The following NPAS3 variants were observed in gnomAD, a reference collection of about 807,000 sequenced individuals.
The protein encoded by NPAS3 is neuronal PAS domain protein 3.
NPAS3 carries 14 observed loss-of-function variants against 73.1 expected under a neutral mutation model. That is an observed-to-expected ratio of 0.19 (90% CI 0.13 to 0.30). The LOEUF (loss-of-function observed/expected upper bound fraction) is 0.30. NPAS3 is among the 10% of genes least tolerant of loss of function. NPAS3 has a pLI of 1.00. For missense variants in NPAS3, 1,096 were observed against 1,250.0 expected (o/e 0.88, Z 1.86); for synonymous variants, 620 against 541.5 (o/e 1.14, Z -2.01).
At chr14:32,965,013 A>C (rs1275896115) in intron 1 of NPAS3, among the ~76,000 whole-genome samples, 2 of 152,110 alleles carry the variant, frequency 1.3e-5, no homozygotes, top group African/African-American at 4.8e-5. Context: ...AAAGTATTGA[A>C]CTATGAAAAA....
intron 4 of NPAS3, among the ~76,000 whole-genome samples, chr14:33,544,820 A>ATATATATATATATATATATATATATT (rs11377851): frequency 1.0e-5 from 1 of 98,550 alleles, no homozygotes; most frequent in African/African-American, 5.4e-5. Flanking sequence ...ATGTATATAT[A>ATATATATATATATATATATATATATT]ATATATATGT....
At chr14:33,762,314 C>A (rs1171576603) in intron 7 of NPAS3, among the ~76,000 whole-genome samples, 1 of 151,744 alleles carries the variant, frequency 6.6e-6, no homozygotes, top group African/African-American at 2.4e-5. Flanking sequence ...TTGTTTTTGG[C>A]TTCTTGAGCA....
rs140503260 is a variant in NPAS3, at chr14:33,541,096, GGT to G, written c.469-18995_469-18994del. Among the ~76,000 whole-genome samples the G allele has an allele frequency of 6.5e-3, 927 of 142,806 alleles. 4 individuals are homozygous for G. The highest frequency in any genetic ancestry group is 0.019 in the South Asian group (84 of 4,482). 93.7% of individuals were successfully genotyped at this position (142,806 alleles called of 152,430 possible). A position where few individuals can be genotyped will look rare whatever the true frequency, so the allele number is the denominator to read the frequency against. ...GAACTATTGTTGGGGTATGTTTAGA[GGT>G]GTGTGTGTGTGTGTGTGTGTGTGTG... On this transcript the variant is annotated intron_variant, in intron 4 of 11. Transcript: ENST00000356141.
At chr14:33,600,558 G>A (rs1177451838) in intron 5 of NPAS3, among the ~76,000 whole-genome samples, 3 of 152,116 alleles carry the variant, frequency 2.0e-5, no homozygotes, top group African/African-American at 7.2e-5. Flanking sequence ...ATGTAGAGCA[G>A]GTGACCTGAC....
intron 3 of NPAS3, among the ~76,000 whole-genome samples, chr14:33,265,420 A>G (rs1026637203): frequency 6.6e-6 from 1 of 152,170 alleles, no homozygotes; most frequent in Non-Finnish European, 1.5e-5. Context: ...TTTTCTCCCT[A>G]TGGATTTCAC....
At chr14:33,328,618 C>T (rs529205270) in intron 3 of NPAS3, among the ~76,000 whole-genome samples, 3 of 151,482 alleles carry the variant, frequency 2.0e-5, no homozygotes, top group East Asian at 1.9e-4. Context: ...CCACCACGCC[C>T]GGCTAATTTT....
intron 3 of NPAS3, among the ~76,000 whole-genome samples, chr14:33,294,635 G>T (rs755863391): frequency 2.0e-5 from 3 of 152,122 alleles, no homozygotes; most frequent in Non-Finnish European, 4.4e-5. Context: ...ATTTAATCAC[G>T]TGATGATTTA....
intron 1 of NPAS3, among the ~76,000 whole-genome samples, chr14:32,989,352 T>C (rs2038219993): frequency 6.6e-6 from 1 of 152,158 alleles, no homozygotes; most frequent in Non-Finnish European, 1.5e-5. Context: ...GAGAAGTTAT[T>C]AAAAGTTTGT....
intron 3 of NPAS3, among the ~76,000 whole-genome samples, chr14:33,359,242 C>T (rs923472149): frequency 2.0e-5 from 3 of 152,194 alleles, no homozygotes; most frequent in Non-Finnish European, 2.9e-5. Context: ...GCAGAACCAA[C>T]GTTAGTTCCC....
At chr14:33,286,414 A>G (rs960932868) in intron 3 of NPAS3, among the ~76,000 whole-genome samples, 1 of 152,206 alleles carries the variant, frequency 6.6e-6, no homozygotes, top group Non-Finnish European at 1.5e-5. Flanking sequence ...TAGTAATCAT[A>G]GTTGTTTTAA....
chr14:33,146,418 T>A (rs2044238682), intron 2 of NPAS3, among the ~76,000 whole-genome samples: 1 of 152,186 alleles, frequency 6.6e-6, no homozygotes, highest in South Asian at 2.1e-4. Context: ...TTAAATGAGA[T>A]GACAATCCCT....
intron 1 of NPAS3, among the ~76,000 whole-genome samples, chr14:33,001,570 T>C (rs1188094159): frequency 6.6e-6 from 1 of 152,160 alleles, no homozygotes; most frequent in Admixed American, 6.5e-5. Context: ...CATTATTCAT[T>C]ATTTTTTATC....
intron 5 of NPAS3, among the ~76,000 whole-genome samples, chr14:33,570,368 T>C (rs1368414219): frequency 1.3e-5 from 2 of 152,172 alleles, no homozygotes; most frequent in African/African-American, 2.4e-5. Context: ...CAGAGTGCTG[T>C]ACAGCAGCAG....
chr14:33,111,269 C>T (rs886940955), intron 2 of NPAS3, among the ~76,000 whole-genome samples: 1 of 152,158 alleles, frequency 6.6e-6, no homozygotes. Flanking sequence ...AACAGGGAGC[C>T]GCTCACTGGG....
chr14:33,659,852 G>A (rs1331618003), intron 5 of NPAS3, among the ~76,000 whole-genome samples: 1 of 152,048 alleles, frequency 6.6e-6, no homozygotes, highest in Non-Finnish European at 1.5e-5. Context: ...ATACATCTCA[G>A]AAAAATCAAA....
At chr14:33,452,561 A>G (rs192534281) in intron 4 of NPAS3, among the ~76,000 whole-genome samples, 258 of 152,082 alleles carry the variant, frequency 1.7e-3, no homozygotes, top group Non-Finnish European at 2.7e-3. Flanking sequence ...TCATGAGGTC[A>G]GGAGATCAAG....
intron 2 of NPAS3, among the ~76,000 whole-genome samples, chr14:33,180,046 A>T (rs542602230): frequency 1.3e-5 from 2 of 152,326 alleles, no homozygotes; most frequent in East Asian, 1.9e-4. Context: ...TGTAATTTTT[A>T]AAATGGCATT....
chr14:33,005,785 G>T lies in NPAS3; in HGVS notation c.51-50120G>T, dbSNP rs1475241020. ...GCTTTCCTCATTTTTTTAAATGTCG[G>T]CTTTCATGATAGCACTTGTGAGTCT... On this transcript the variant is annotated intron_variant, in intron 1 of 11. Coordinates refer to ENST00000356141, the Ensembl canonical transcript of NPAS3. 1.3e-4 allele frequency among the ~76,000 whole-genome samples: 20 copies of T among 152,214 alleles called. No homozygotes were observed. The East Asian group carries it at 3.7e-3, about 28-fold the overall frequency.
intron 1 of NPAS3, among the ~76,000 whole-genome samples, chr14:32,946,346 GCGCACACACACACA>G (rs1409794656): frequency 3.6e-4 from 47 of 131,872 alleles, no homozygotes; most frequent in African/African-American, 1.1e-3. Context: ...ACACACACAC[GCGCACACACACACA>G]CACACACACA....
Sources: allele counts gnomAD v4.1 joint callset (sites outside exome capture counted in the v4.1 genomes callset), GRCh38; gene constraint gnomAD v4.1.1; transcripts MANE v1.5; gene names NCBI Gene and HGNC (gene_info 2026-07-23, HGNC 2026-07-21).